The following SGCZ variants were observed in gnomAD, a reference collection of about 807,000 sequenced individuals.
SGCZ encodes the protein zeta-sarcoglycan.
SGCZ carries 40 observed loss-of-function variants against 41.3 expected under a neutral mutation model. That is an observed-to-expected ratio of 0.97 (90% CI 0.75 to 1.26). The LOEUF (loss-of-function observed/expected upper bound fraction) is 1.26, where lower values mean the gene tolerates loss of function less well. Among genes scored for constraint, SGCZ ranks in the 50% most tolerant of loss-of-function variants. The probability of loss-of-function intolerance (pLI) is 0.00; values close to 1 mark genes in which losing one functional copy is unlikely to be tolerated. For missense variants in SGCZ, 552 were observed against 369.8 expected (o/e 1.49, Z -4.04); for synonymous variants, 206 against 137.5 (o/e 1.50, Z -3.49).
chr8:14,120,493 T>A (rs1476743286), intron 5 of SGCZ, among the ~76,000 whole-genome samples: 2 of 152,134 alleles, frequency 1.3e-5, no homozygotes, highest in Admixed American at 1.3e-4. Flanking sequence ...ACAATGTGGT[T>A]TTATATTTGG....
Position 14,089,346 on chromosome 8 carries a change from T to C in SGCZ, c.*1097A>G, listed in dbSNP as rs1563118671. ...TTTTTACTGTTTAGTCAAGAAATTT[T>C]AGTTAGCTTCTGACTTCTTTAAATC... On this transcript the variant is annotated 3_prime_UTR_variant, in exon 8 of 8. Transcript: ENST00000382080. Among the ~76,000 whole-genome samples, 1 of 152,018 alleles carries C rather than the reference T, an allele frequency of 6.6e-6. No individual in the cohort carries two copies. The highest frequency in any genetic ancestry group is 1.5e-5 in the Non-Finnish European group (1 of 67,946).
intron 1 of SGCZ, among the ~76,000 whole-genome samples, chr8:14,689,149 A>T (rs1177988605): frequency 6.6e-6 from 1 of 152,114 alleles, no homozygotes; most frequent in Non-Finnish European, 1.5e-5. Flanking sequence ...AATTTTCTGA[A>T]GAGTAATTTT....
intron 1 of SGCZ, among the ~76,000 whole-genome samples, chr8:15,177,252 G>A (rs1056657055): frequency 6.6e-6 from 1 of 152,180 alleles, no homozygotes; most frequent in Non-Finnish European, 1.5e-5. Context: ...AGGGCATTTA[G>A]ATGTTCCTCA....
chr8:14,729,221 A>T (rs1187945092), intron 1 of SGCZ, among the ~76,000 whole-genome samples: 1 of 152,156 alleles, frequency 6.6e-6, no homozygotes, highest in Non-Finnish European at 1.5e-5. Flanking sequence ...CCAATGCATG[A>T]AGTAACCATG....
intron 1 of SGCZ, among the ~76,000 whole-genome samples, chr8:15,068,438 T>C (rs183938047): frequency 6.4e-4 from 98 of 152,302 alleles, no homozygotes; most frequent in African/African-American, 2.0e-3. Flanking sequence ...ATGTCAGGGA[T>C]TGGGCTAAAT....
Position 14,742,311 on chromosome 8 carries a change from GCT to G in SGCZ, c.40-187387_40-187386del, listed in dbSNP as rs960138841. ...TAAGCACTTATGCACGTGCACGCGC[GCT>G]CACACACACACACACCTCAGCAACT... On this transcript the variant is annotated intron_variant, in intron 1 of 7. Coordinates refer to ENST00000382080, the MANE Select transcript of SGCZ (RefSeq NM_139167.4). Among the ~76,000 whole-genome samples, 9 of 151,820 alleles carry G rather than the reference GCT, an allele frequency of 5.9e-5. No individual in the cohort carries two copies. The South Asian group carries it at 6.2e-4, about 11-fold the overall frequency.
chr8:14,692,035 T>C (rs1808816453), intron 1 of SGCZ, among the ~76,000 whole-genome samples: 1 of 152,008 alleles, frequency 6.6e-6, no homozygotes, highest in Non-Finnish European at 1.5e-5. Flanking sequence ...TAATTTCTAA[T>C]TTTATTTTAA....
intron 1 of SGCZ, among the ~76,000 whole-genome samples, chr8:14,778,035 C>G (rs1037833417): frequency 6.6e-6 from 1 of 152,052 alleles, no homozygotes; most frequent in African/African-American, 2.4e-5. Context: ...GCGATCCTCC[C>G]ACCTTAGCCT....
At chr8:14,238,221 G>A (rs1176609224) in intron 3 of SGCZ, among the ~76,000 whole-genome samples, 6 of 152,076 alleles carry the variant, frequency 3.9e-5, no homozygotes, top group Non-Finnish European at 8.8e-5. Context: ...TTTTTTGTTT[G>A]CTTGTTTATT....
At chr8:14,837,285 G>A (rs1422082746) in intron 1 of SGCZ, among the ~76,000 whole-genome samples, 1 of 152,206 alleles carries the variant, frequency 6.6e-6, no homozygotes, top group Non-Finnish European at 1.5e-5. Context: ...AGATCACAAT[G>A]AAGAAATGAT....
chr8:14,550,761 T>A (rs1383098855), intron 2 of SGCZ, among the ~76,000 whole-genome samples: 1 of 152,022 alleles, frequency 6.6e-6, no homozygotes, highest in Non-Finnish European at 1.5e-5. Flanking sequence ...TAGAAGGACA[T>A]ACATCATATT....
intron 1 of SGCZ, among the ~76,000 whole-genome samples, chr8:14,721,874 A>G (rs775221243): frequency 2.1e-5 from 3 of 144,176 alleles, no homozygotes; most frequent in Non-Finnish European, 3.0e-5. Context: ...TCTGTGCACA[A>G]CCAGCACCAA....
intron 1 of SGCZ, among the ~76,000 whole-genome samples, chr8:15,023,436 T>A (rs938823998): frequency 1.7e-4 from 26 of 152,118 alleles, no homozygotes; most frequent in African/African-American, 6.3e-4. Context: ...CCACACACAT[T>A]CCTTTTTGTT....
intron 3 of SGCZ, among the ~76,000 whole-genome samples, chr8:14,267,192 T>A (rs1265896338): frequency 2.6e-5 from 4 of 152,092 alleles, no homozygotes; most frequent in Middle Eastern, 3.2e-3. Context: ...GATTAAGTAA[T>A]ATCCTTGACA....
intron 1 of SGCZ, among the ~76,000 whole-genome samples, chr8:14,815,207 A>C (rs1298411266): frequency 6.6e-6 from 1 of 152,092 alleles, no homozygotes; most frequent in Non-Finnish European, 1.5e-5. Context: ...TTTTCTGCAG[A>C]ATAATTCATT....
chr8:14,862,605 A>G (rs1191719550), intron 1 of SGCZ, among the ~76,000 whole-genome samples: 1 of 133,946 alleles, frequency 7.5e-6, no homozygotes, highest in Non-Finnish European at 1.6e-5. Context: ...CAAAACATAC[A>G]TTTTATATAT....
intron 4 of SGCZ, among the ~76,000 whole-genome samples, chr8:14,212,467 C>CA (rs33947419): frequency 5.1e-5 from 5 of 97,950 alleles, no homozygotes; most frequent in South Asian, 3.3e-4. Context: ...ATGCAAAAGA[C>CA]AAAAAAAAAA....
At chr8:15,067,440 C>G (rs1805194941) in intron 1 of SGCZ, among the ~76,000 whole-genome samples, 1 of 152,074 alleles carries the variant, frequency 6.6e-6, no homozygotes, top group Non-Finnish European at 1.5e-5. Context: ...ACTGATAAAC[C>G]TACCATAGAT....
intron 1 of SGCZ, among the ~76,000 whole-genome samples, chr8:15,131,497 G>A (rs1282432531): frequency 6.6e-6 from 1 of 152,122 alleles, no homozygotes; most frequent in Non-Finnish European, 1.5e-5. Context: ...TGTGAAAATG[G>A]ACTAATACAC....
Sources: allele counts gnomAD v4.1 joint callset (sites outside exome capture counted in the v4.1 genomes callset), GRCh38; gene constraint gnomAD v4.1.1; transcripts MANE v1.5; gene names NCBI Gene and HGNC (gene_info 2026-07-23, HGNC 2026-07-21).